Variants in PALM2AKAP2 observed in about 807,000 individuals in gnomAD.
PALM2AKAP2 encodes PALM2 and AKAP2 fusion.
PALM2AKAP2 carries 37 observed loss-of-function variants against 71.5 expected under a neutral mutation model. The ratio of observed to expected loss-of-function variants is 0.52; its 90% CI spans 0.40 to 0.68. The LOEUF is 0.68. PALM2AKAP2 is among the 30% of genes least tolerant of loss of function. The pLI is 0.00. For synonymous variants in PALM2AKAP2, 468 were observed against 478.8 expected, an observed-to-expected ratio of 0.98 and a Z score of 0.29; for missense variants, 1,224 against 1,191.8, an observed-to-expected ratio of 1.03 and a Z score of -0.40.
At chr9:109,879,018 C>T (rs546535199) in intron 2 of PALM2AKAP2, among the ~76,000 whole-genome samples, 11 of 152,132 alleles carry the variant, frequency 7.2e-5, no homozygotes, top group South Asian at 2.1e-4. Context: ...ATTACAGGCG[C>T]GAGCCACCGT....
intron 1 of PALM2AKAP2, among the ~76,000 whole-genome samples, chr9:109,843,686 AGT>A (rs950780628): frequency 6.6e-6 from 1 of 152,152 alleles, no homozygotes; most frequent in East Asian, 1.9e-4. Context: ...TAAAGTCGAT[AGT>A]GTGTGTGTGG....
At chr9:109,702,628 G>A (rs1181325180) in intron 1 of PALM2AKAP2, among the ~76,000 whole-genome samples, 3 of 151,630 alleles carry the variant, frequency 2.0e-5, no homozygotes, top group Admixed American at 2.0e-4. Context: ...AGCATTAGGA[G>A]ATATACCTAA....
At chr9:109,731,564 C>T (rs1050302937) in intron 1 of PALM2AKAP2, among the ~76,000 whole-genome samples, 2 of 152,096 alleles carry the variant, frequency 1.3e-5, no homozygotes, top group Non-Finnish European at 2.9e-5. Flanking sequence ...GTCTGATTGC[C>T]TGATTATCTT....
chr9:110,135,164 A>AAAAATATATATATAGATATATATAT, intron 1 of PALM2AKAP2, among the ~76,000 whole-genome samples: 1 of 51,744 alleles, frequency 1.9e-5, no homozygotes, highest in African/African-American at 7.4e-5. Context: ...AAAAAAAAAA[A>AAAAATATATATATAGATATATATAT]ATATATAAAT....
At chr9:109,897,953 AT>A (rs1010474468) in intron 3 of PALM2AKAP2, among the ~76,000 whole-genome samples, 1 of 152,162 alleles carries the variant, frequency 6.6e-6, no homozygotes, top group African/African-American at 2.4e-5. Context: ...TTTGGATTAA[AT>A]TTTTTTATCA....
At chr9:110,062,263 GC>G (rs1336218526) in intron 1 of PALM2AKAP2, among the ~76,000 whole-genome samples, 2 of 151,906 alleles carry the variant, frequency 1.3e-5, no homozygotes, top group Non-Finnish European at 2.9e-5. Context: ...CCTCCAAGAG[GC>G]CCCAGTGTGT....
intron 6 of PALM2AKAP2, among the ~76,000 whole-genome samples, chr9:110,008,660 A>G (rs1038910313): frequency 8.5e-5 from 13 of 152,080 alleles, no homozygotes; most frequent in Non-Finnish European, 1.8e-4. Flanking sequence ...AACAATCCCC[A>G]ATCCTGTGGC....
chr9:110,095,998 A>G (rs980510666), intron 1 of PALM2AKAP2, among the ~76,000 whole-genome samples: 1 of 152,206 alleles, frequency 6.6e-6, no homozygotes, highest in South Asian at 2.1e-4. Flanking sequence ...TGTGATATCT[A>G]CAAGCGCATG....
At position 110,084,804 on chromosome 9, in the gene PALM2AKAP2, C is replaced by T. The variant is rs566551181; in HGVS notation, c.156+35949C>T. 3.9e-5 allele frequency among the ~76,000 whole-genome samples: 6 copies of T among 151,976 alleles called. No individual in the cohort carries two copies. In the East Asian group the frequency reaches 9.7e-4, roughly 25 times the overall value. ...AGGCTGGAGTACAGTGGCACGATCT[C>T]GGCTCACTGCAACCTCCACCTCCCG... On this transcript the variant is annotated intron_variant, in intron 1 of 3. Coordinates refer to ENST00000374525, the Ensembl canonical transcript of PALM2AKAP2.
Position 110,138,227 on chromosome 9 carries a change from C to T in PALM2AKAP2, c.2257C>T (p.Gln753Ter). Residue 753 changes from glutamine to a stop codon, truncating the protein, a stop_gained, in exon 2 of 4, where the codon CAG (glutamine) becomes TAG (stop). Coordinates refer to ENST00000374525, the Ensembl canonical transcript of PALM2AKAP2. LOFTEE classifies it high-confidence loss of function. Reference sequence around the variant, plus strand: ...GCCCCCCCAGCCACTGCCAGCTGTGCAGCCCAGTGGCCCGATTAACATGGA... The same window carrying T: ...GCCCCCCCAGCCACTGCCAGCTGTGTAGCCCAGTGGCCCGATTAACATGGA... 6.2e-7 allele frequency: 1 copy of T among 1,614,116 alleles called. No individual in the cohort carries two copies. Among genetic ancestry groups the T allele is most frequent in the Non-Finnish European group, 8.5e-7 (1 of 1,179,968 alleles).
intron 6 of PALM2AKAP2, 48 bp downstream of exon 6, chr9:109,932,076 A>G (rs1831117114): frequency 1.0e-5 from 16 of 1,543,472 alleles, no homozygotes; most frequent in Non-Finnish European, 1.4e-5. Context: ...AGGGGCTTGC[A>G]TTTCACTGAG....
At chr9:110,029,972 T>C (rs1833249113) in intron 7 of PALM2AKAP2, among the ~76,000 whole-genome samples, 1 of 152,120 alleles carries the variant, frequency 6.6e-6, no homozygotes, top group Non-Finnish European at 1.5e-5. Flanking sequence ...TAAATCAAGA[T>C]TGTAGTTATC....
chr9:110,170,475 T>TA (rs1836835742), exon 4 of PALM2AKAP2: 1 of 152,362 alleles, frequency 6.6e-6, no homozygotes, highest in Non-Finnish European at 1.5e-5. Context: ...AGGCACAAAG[T>TA]AAAAAATGGA....
intron 3 of PALM2AKAP2, among the ~76,000 whole-genome samples, chr9:109,896,344 T>A (rs1830201648): frequency 6.6e-6 from 1 of 152,000 alleles, no homozygotes; most frequent in South Asian, 2.1e-4. Flanking sequence ...CAAGATGAGA[T>A]TTGGATGGGG....
intron 1 of PALM2AKAP2, among the ~76,000 whole-genome samples, chr9:109,770,100 A>C (rs73531254): frequency 0.066 from 10,104 of 152,264 alleles, 1,004 homozygotes; most frequent in African/African-American, 0.21. Flanking sequence ...CAGAGCTCAG[A>C]CAGCCAATGG....
At chr9:109,704,497 G>T (rs1535457) in intron 1 of PALM2AKAP2, among the ~76,000 whole-genome samples, 2 of 152,022 alleles carry the variant, frequency 1.3e-5, no homozygotes, top group Non-Finnish European at 2.9e-5. Context: ...AAGTTTTAGA[G>T]GGAGGATACT....
chr9:109,724,187 A>G (rs1185640489), intron 1 of PALM2AKAP2, among the ~76,000 whole-genome samples: 1 of 152,242 alleles, frequency 6.6e-6, no homozygotes, highest in Non-Finnish European at 1.5e-5. Flanking sequence ...TAAAATGTGC[A>G]AGATGTACAT....
At chr9:109,685,047 A>G (rs1827789128) in intron 1 of PALM2AKAP2, among the ~76,000 whole-genome samples, 1 of 152,232 alleles carries the variant, frequency 6.6e-6, no homozygotes, top group Non-Finnish European at 1.5e-5. Context: ...ACCAGATCTC[A>G]AAGATTACAG....
At chr9:110,015,849 G>C (rs1832971490) in intron 6 of PALM2AKAP2, 105 bp from the exon 7 acceptor site, 1 of 1,060,912 alleles carries the variant, frequency 9.4e-7, no homozygotes, top group Admixed American at 2.0e-5. Flanking sequence ...GTCATCATCA[G>C]CTCCCTTTAC....
Sources: gnomAD v4.1 joint callset for allele counts (sites outside exome capture counted in the v4.1 genomes callset) on GRCh38, gnomAD v4.1.1 for gene constraint, MANE v1.5 for transcripts, NCBI Gene and HGNC (gene_info 2026-07-23, HGNC 2026-07-21) for gene names.